The following AUTS2 variants were observed in gnomAD, a reference collection of about 807,000 sequenced individuals.
AUTS2 encodes autism susceptibility gene 2 protein.
AUTS2 carries 17 observed loss-of-function variants against 112.4 expected under a neutral mutation model. The observed-to-expected ratio is 0.15, with a 90% CI of 0.10 to 0.23. The LOEUF (loss-of-function observed/expected upper bound fraction) is 0.23, where lower values mean the gene tolerates loss of function less well. AUTS2 is among the 10% of genes least tolerant of loss of function. AUTS2 has a pLI of 1.00. For synonymous variants in AUTS2, 751 were observed against 702.7 expected (o/e 1.07, Z -1.09); for missense variants, 1,510 against 1,701.6 (o/e 0.89, Z 1.98).
intron 5 of AUTS2, among the ~76,000 whole-genome samples, chr7:70,496,626 G>A (rs1194009773): frequency 3.0e-5 from 3 of 99,664 alleles, no homozygotes. Flanking sequence ...CACGTACACA[G>A]GCACACACAC....
intron 4 of AUTS2, among the ~76,000 whole-genome samples, chr7:70,141,882 A>T (rs568385019): frequency 1.3e-4 from 20 of 152,324 alleles, no homozygotes; most frequent in African/African-American, 4.6e-4. Context: ...TAGAATCTCT[A>T]CAACAGGATG....
At chr7:70,100,560 T>C (rs1360444583) in intron 2 of AUTS2, among the ~76,000 whole-genome samples, 1 of 152,026 alleles carries the variant, frequency 6.6e-6, no homozygotes, top group African/African-American at 2.4e-5. Context: ...GTATTTCTCC[T>C]AACGCTATCC....
At position 70,143,861 on chromosome 7, in the gene AUTS2, A is replaced by AT. The variant is rs1806989608; in HGVS notation, c.660+9294dup. Among the ~76,000 whole-genome samples the AT allele has an allele frequency of 2.0e-5, 3 of 152,230 alleles. No individual in the cohort carries two copies. In the East Asian group the frequency reaches 5.8e-4, roughly 29 times the overall value. ...GTGCTGCTGTGCGTAGTGGCCTCTG[A>AT]TTTTAAGGAGCTGTTAAAAATGCAG... is the stretch of plus-strand genomic sequence containing the variant. On this transcript the variant is annotated intron_variant, in intron 4 of 18. Transcript: ENST00000342771.
In AUTS2 at chr7:69,614,381, G is replaced by C. The variant is rs1793249549; in HGVS notation, c.309+14419G>C. Among the ~76,000 whole-genome samples the C allele has an allele frequency of 1.5e-4, 2 of 13,638 alleles. 1 individual carries two copies. 8.9% of individuals were successfully genotyped at this position (13,638 alleles called of 152,430 possible). Reference sequence around the variant, plus strand: ...CTTTCTTTCTTTTTTTAAGAGATGGGATCTCACTCTGTTTCCCAGGCTGGA... The same window carrying C: ...CTTTCTTTCTTTTTTTAAGAGATGGCATCTCACTCTGTTTCCCAGGCTGGA... On this transcript the variant is annotated intron_variant, in intron 1 of 18. Transcript: ENST00000342771.
At chr7:70,716,711 G>C (rs116435122) in intron 6 of AUTS2, among the ~76,000 whole-genome samples, 13 of 147,660 alleles carry the variant, frequency 8.8e-5, no homozygotes, top group African/African-American at 3.2e-4. Context: ...AGCCTGACCT[G>C]TTTGAAGTAT....
chr7:70,410,596 G>A (rs921508977), intron 4 of AUTS2, among the ~76,000 whole-genome samples: 3 of 151,258 alleles, frequency 2.0e-5, no homozygotes, highest in Non-Finnish European at 4.4e-5. Flanking sequence ...GCTAATTTTT[G>A]TATGCTTTGT....
At chr7:69,647,181 G>C (rs577822226) in intron 1 of AUTS2, among the ~76,000 whole-genome samples, 106 of 152,114 alleles carry the variant, frequency 7.0e-4, no homozygotes, top group African/African-American at 2.4e-3. Flanking sequence ...AAAGCATTAT[G>C]ACTCTCCAGA....
At chr7:70,103,977 T>C (rs1305757724) in intron 2 of AUTS2, among the ~76,000 whole-genome samples, 1 of 151,962 alleles carries the variant, frequency 6.6e-6, no homozygotes, top group African/African-American at 2.4e-5. Context: ...ACAACATTAT[T>C]ATCACAAAAA....
intron 4 of AUTS2, among the ~76,000 whole-genome samples, chr7:70,147,222 A>G (rs1199471963): frequency 7.0e-6 from 1 of 143,192 alleles, no homozygotes; most frequent in Non-Finnish European, 1.5e-5. Flanking sequence ...AATATCTCTT[A>G]AAAAAAAAAA....
chr7:69,801,032 T>TACTAC (rs1430253908), intron 1 of AUTS2, among the ~76,000 whole-genome samples: 2 of 152,222 alleles, frequency 1.3e-5, no homozygotes, highest in South Asian at 4.2e-4. Flanking sequence ...TAGAATAACT[T>TACTAC]ACTACAGTTT....
At position 70,763,336 on chromosome 7, in the gene AUTS2, T is replaced by C. The variant is rs150273644; in HGVS notation, c.1209T>C (p.Ser403=). ...ACAGCAGTAGCTTAAGCCTCAACAG[T>C]TTAAGGTGAGTGGCCTGCTCTTCTT... The part of the protein sequence containing the change: ...AYNSSSLSLN[S]LSSSRSSTPA... The change falls in exon 7 of 19, where the codon AGT becomes AGC. Residue 403 remains serine, a synonymous_variant. Transcript: ENST00000342771. 1.5e-5 allele frequency: 23 copies of C among 1,554,004 alleles called. No individual in the cohort carries two copies. Among genetic ancestry groups the C allele is most frequent in the Non-Finnish European group, 1.9e-5 (22 of 1,148,970 alleles).
At chr7:70,742,460 C>T (rs927843760) in intron 6 of AUTS2, among the ~76,000 whole-genome samples, 1 of 152,128 alleles carries the variant, frequency 6.6e-6, no homozygotes, top group East Asian at 1.9e-4. Flanking sequence ...TATCAAGTTT[C>T]TGATTTAAAA....
At chr7:70,361,520 G>A (rs1473390968) in intron 4 of AUTS2, among the ~76,000 whole-genome samples, 2 of 152,218 alleles carry the variant, frequency 1.3e-5, no homozygotes, top group African/African-American at 2.4e-5. Context: ...GCATTGCTGG[G>A]CTGCTTAACT....
chr7:70,444,373 T>TGTGTGTGTGAGAGA (rs372696006), intron 5 of AUTS2, among the ~76,000 whole-genome samples: 96 of 142,492 alleles, frequency 6.7e-4, no homozygotes, highest in African/African-American at 2.5e-3. Context: ...TGTGTGTGTG[T>TGTGTGTGTGAGAGA]GAGAGAGAGA....
intron 6 of AUTS2, among the ~76,000 whole-genome samples, chr7:70,733,630 A>C (rs1266053211): frequency 6.8e-6 from 1 of 146,756 alleles, no homozygotes; most frequent in Non-Finnish European, 1.5e-5. Context: ...TCTGTCACCC[A>C]GGCTAGAGTA....
chr7:70,596,753 G>A (rs954965734), intron 5 of AUTS2: 2 of 152,284 alleles, frequency 1.3e-5, no homozygotes, highest in South Asian at 2.1e-4. Flanking sequence ...AAACCCCCGA[G>A]CCTGGAGACG....
At chr7:70,314,604 T>A (rs1562873676) in intron 4 of AUTS2, among the ~76,000 whole-genome samples, 1 of 152,222 alleles carries the variant, frequency 6.6e-6, no homozygotes, top group South Asian at 2.1e-4. Flanking sequence ...CTTTAGATTT[T>A]TTTCCTCTCA....
At chr7:70,632,398 C>G (rs1397512090) in intron 5 of AUTS2, among the ~76,000 whole-genome samples, 1 of 152,016 alleles carries the variant, frequency 6.6e-6, no homozygotes, top group Non-Finnish European at 1.5e-5. Flanking sequence ...TCATTAAGCC[C>G]CTTGGCCTTT....
In AUTS2 at chr7:70,586,082, C is replaced by T. The variant is rs554170027; in HGVS notation, c.691-112487C>T. On this transcript the variant is annotated intron_variant, in intron 5 of 18. Transcript: ENST00000342771. ...TTCACCTTGTTGGCCAGGCTGGTCTCGAACTTCTGACCTCAAGTGATCCTC... is the reference window on the plus strand; with the variant it reads ...TTCACCTTGTTGGCCAGGCTGGTCTTGAACTTCTGACCTCAAGTGATCCTC... Among the ~76,000 whole-genome samples, 13 of 152,128 alleles carry T rather than the reference C, an allele frequency of 8.5e-5. No individual in the cohort carries two copies. The South Asian group carries it at 2.3e-3, about 27-fold the overall frequency.
Sources: gnomAD v4.1 joint callset for allele counts (sites outside exome capture counted in the v4.1 genomes callset) on GRCh38, gnomAD v4.1.1 for gene constraint, MANE v1.5 for transcripts, NCBI Gene and HGNC (gene_info 2026-07-23, HGNC 2026-07-21) for gene names.